Variants in RBFOX1 observed in about 807,000 individuals in gnomAD.
RBFOX1 encodes RNA binding fox-1 homolog 1.
A neutral mutation model predicts 57.7 loss-of-function variants in RBFOX1; 8 were observed. The ratio of observed to expected loss-of-function variants is 0.14; its 90% CI spans 0.08 to 0.25. The LOEUF is 0.25. Ranked by LOEUF, RBFOX1 falls within the 10% of genes least tolerant of loss-of-function variation. The pLI is 1.00. For synonymous variants in RBFOX1, 326 were observed against 222.4 expected, an observed-to-expected ratio of 1.47 and a Z score of -4.15; for missense variants, 611 against 548.5, an observed-to-expected ratio of 1.11 and a Z score of -1.14.
At chr16:7,622,375 A>AAAAC (rs1188350092) in intron 10 of RBFOX1, among the ~76,000 whole-genome samples, 1 of 152,252 alleles carries the variant, frequency 6.6e-6, no homozygotes, top group East Asian at 1.9e-4. Context: ...GGTATTCAGT[A>AAAAC]AAACACTTTG....
intron 4 of RBFOX1, among the ~76,000 whole-genome samples, chr16:7,191,319 A>G (rs1204476381): frequency 1.4e-5 from 2 of 145,390 alleles, no homozygotes; most frequent in African/African-American, 2.6e-5. Flanking sequence ...AAGACGTATA[A>G]TCCGTTGCTG....
intron 1 of RBFOX1, among the ~76,000 whole-genome samples, chr16:5,352,564 C>G (rs1052800332): frequency 4.6e-5 from 7 of 152,174 alleles, no homozygotes; most frequent in Non-Finnish European, 7.3e-5. Context: ...TCACCCTGAA[C>G]GTTTGATCAC....
chr16:5,464,213 AGAGGATGGTCCGTT>A (rs1176867561), intron 1 of RBFOX1, among the ~76,000 whole-genome samples: 1 of 152,210 alleles, frequency 6.6e-6, no homozygotes, highest in Non-Finnish European at 1.5e-5. Context: ...GGAGAGGCCA[AGAGGATGGTCCGTT>A]GAGTCTGGTG....
intron 2 of RBFOX1, among the ~76,000 whole-genome samples, chr16:6,361,598 A>G (rs959329169): frequency 1.8e-4 from 27 of 151,136 alleles, no homozygotes; most frequent in African/African-American, 6.6e-4. Context: ...ACTGCATTCC[A>G]GCCTGGGTGA....
chr16:6,434,152 C>T (rs2094173069), intron 2 of RBFOX1, among the ~76,000 whole-genome samples: 1 of 152,080 alleles, frequency 6.6e-6, no homozygotes, highest in South Asian at 2.1e-4. Context: ...CTGGTCACTT[C>T]TAAGGGCACT....
intron 2 of RBFOX1, among the ~76,000 whole-genome samples, chr16:6,319,707 C>T (rs977249080): frequency 3.9e-5 from 6 of 152,180 alleles, no homozygotes; most frequent in Non-Finnish European, 8.8e-5. Context: ...TTTTCTAGCT[C>T]TCCACATCCC....
At chr16:6,851,018 C>G (rs540932949) in intron 3 of RBFOX1, among the ~76,000 whole-genome samples, 3 of 152,308 alleles carry the variant, frequency 2.0e-5, no homozygotes, top group Non-Finnish European at 2.9e-5. Context: ...ATAATCCACA[C>G]TGTGGAATAC....
intron 4 of RBFOX1, among the ~76,000 whole-genome samples, chr16:7,107,066 T>C (rs2151486977): frequency 6.6e-6 from 1 of 152,030 alleles, no homozygotes; most frequent in South Asian, 2.1e-4. Context: ...CAGGAAATAC[T>C]TCTATAAGGA....
intron 2 of RBFOX1, among the ~76,000 whole-genome samples, chr16:5,510,519 C>G (rs958413501): frequency 2.6e-5 from 4 of 151,938 alleles, no homozygotes; most frequent in South Asian, 2.1e-4. Flanking sequence ...CAAAGCAAGT[C>G]GCGTGGCTGA....
chr16:5,572,799 G>C lies in RBFOX1; in HGVS notation c.259-26103G>C, dbSNP rs77841378. On this transcript the variant is annotated intron_variant, in intron 2 of 2. Transcript: ENST00000585867. Reference sequence around the variant, plus strand: ...TACTCTGTGGATATTTAGGGCAATCGGGATGGGGCAGAAGGAGGAAGAAGT... The same window carrying C: ...TACTCTGTGGATATTTAGGGCAATCCGGATGGGGCAGAAGGAGGAAGAAGT... Among the ~76,000 whole-genome samples, 351 of 152,278 alleles carry C rather than the reference G, an allele frequency of 2.3e-3. 1 individual carries two copies. The highest frequency in any genetic ancestry group is 7.9e-3 in the African/African-American group (328 of 41,548).
chr16:7,374,549 G>C (rs1022316517), intron 4 of RBFOX1, among the ~76,000 whole-genome samples: 1 of 152,048 alleles, frequency 6.6e-6, no homozygotes, highest in African/African-American at 2.4e-5. Context: ...CTGGCTCTTA[G>C]CAATCCTAAC....
At chr16:7,475,215 G>C (rs1164109533) in intron 4 of RBFOX1, among the ~76,000 whole-genome samples, 1 of 151,866 alleles carries the variant, frequency 6.6e-6, no homozygotes, top group Non-Finnish European at 1.5e-5. Context: ...GATTATTGAA[G>C]AACAAAAGGG....
At chr16:7,655,672 G>T (rs1276269498) in intron 12 of RBFOX1, among the ~76,000 whole-genome samples, 3 of 151,964 alleles carry the variant, frequency 2.0e-5, no homozygotes, top group African/African-American at 4.8e-5. Context: ...ACTAAAGCAA[G>T]ATTTGTATGC....
At chr16:7,298,754 C>A (rs981458202) in intron 4 of RBFOX1, among the ~76,000 whole-genome samples, 2 of 152,108 alleles carry the variant, frequency 1.3e-5, no homozygotes, top group Admixed American at 6.6e-5. Flanking sequence ...AAAATCATAA[C>A]GAAGAGAAAA....
intron 1 of RBFOX1, among the ~76,000 whole-genome samples, chr16:6,104,252 G>A (rs2096351134): frequency 6.6e-6 from 1 of 152,066 alleles, no homozygotes; most frequent in African/African-American, 2.4e-5. Context: ...GTGATTAATG[G>A]TTCCATTTAA....
At chr16:7,216,010 A>G (rs1007535056) in intron 4 of RBFOX1, among the ~76,000 whole-genome samples, 6 of 152,150 alleles carry the variant, frequency 3.9e-5, no homozygotes, top group African/African-American at 1.4e-4. Context: ...GGCGTGAGCC[A>G]CCGCGCCCAG....
intron 3 of RBFOX1, among the ~76,000 whole-genome samples, chr16:6,853,937 C>T (rs954642579): frequency 1.3e-4 from 20 of 152,100 alleles, no homozygotes; most frequent in Non-Finnish European, 2.2e-4. Flanking sequence ...TAGTAGCCTG[C>T]ATGTCTAGGT....
chr16:6,548,496 A>G (rs113548737), intron 2 of RBFOX1, among the ~76,000 whole-genome samples: 2,779 of 152,314 alleles, frequency 0.018, 86 homozygotes, highest in African/African-American at 0.062. Flanking sequence ...TGATTTCTTC[A>G]GAATTTCTTC....
At chr16:5,944,130 C>G (rs1352423944) in intron 4 of RBFOX1, among the ~76,000 whole-genome samples, 2 of 152,186 alleles carry the variant, frequency 1.3e-5, no homozygotes, top group African/African-American at 2.4e-5. Context: ...GTGAACAAGC[C>G]TTAGTTCATA....
Sources: allele counts gnomAD v4.1 joint callset (sites outside exome capture counted in the v4.1 genomes callset), GRCh38; gene constraint gnomAD v4.1.1; transcripts MANE v1.5; gene names NCBI Gene and HGNC (gene_info 2026-07-23, HGNC 2026-07-21).